Variants in SYT1 observed in about 807,000 individuals in gnomAD.
SYT1 encodes synaptotagmin 1.
SYT1 carries 8 observed loss-of-function variants against 44.8 expected under a neutral mutation model. That is an observed-to-expected ratio of 0.18 (90% CI 0.10 to 0.32). SYT1 has a LOEUF of 0.32. Ranked by LOEUF, SYT1 falls within the 10% of genes least tolerant of loss-of-function variation. The pLI is 1.00. For missense variants in SYT1, 286 were observed against 509.3 expected, an observed-to-expected ratio of 0.56 and a Z score of 4.22; for synonymous variants, 154 against 188.8, an observed-to-expected ratio of 0.82 and a Z score of 1.51.
chr12:79,214,214 G>C (rs528847264), intron 3 of SYT1, among the ~76,000 whole-genome samples: 22 of 152,056 alleles, frequency 1.4e-4, no homozygotes, highest in African/African-American at 5.1e-4. Context: ...TTTCACAGTG[G>C]TATGCACTAA....
intron 3 of SYT1, among the ~76,000 whole-genome samples, chr12:79,178,816 A>C (rs1004969846): frequency 1.3e-5 from 2 of 149,830 alleles, no homozygotes; most frequent in Non-Finnish European, 3.0e-5. Flanking sequence ...TCGCTCTTAT[A>C]GCCCAGGCTG....
At chr12:79,035,861 T>A (rs553967315) in intron 2 of SYT1, among the ~76,000 whole-genome samples, 8 of 151,678 alleles carry the variant, frequency 5.3e-5, no homozygotes, top group African/African-American at 1.9e-4. Context: ...CTGTACATCT[T>A]TGAACCTCAT....
rs1430377800 is a variant in SYT1, at chr12:78,919,069, A to T, written c.-217+53960A>T. On this transcript the variant is annotated intron_variant, in intron 1 of 10. Coordinates refer to ENST00000261205, the MANE Select transcript of SYT1 (RefSeq NM_005639.3). ...TGATGTGAAAACAACCTTTGAGATG[A>T]CAGAGTTATTGATGACTTTTCATGA... Among the ~76,000 whole-genome samples the T allele has an allele frequency of 2.6e-5, 4 of 152,026 alleles. No homozygotes were observed. In the South Asian group the frequency reaches 8.3e-4, roughly 31 times the overall value.
chr12:79,179,431 G>GATATAGATATATCTATATAT (rs1565842178), intron 3 of SYT1, among the ~76,000 whole-genome samples: 1 of 7,208 alleles, frequency 1.4e-4, no homozygotes, highest in Non-Finnish European at 2.8e-4. Flanking sequence ...TATCTATATA[G>GATATAGATATATCTATATAT]ATATATCCAT....
chr12:79,161,278 C>A (rs1314737695), intron 3 of SYT1, among the ~76,000 whole-genome samples: 3 of 151,984 alleles, frequency 2.0e-5, no homozygotes, highest in Admixed American at 6.6e-5. Flanking sequence ...TTTTACTTTA[C>A]CTTTTCTATG....
At position 79,280,985 on chromosome 12, in the gene SYT1, T is replaced by TA. The variant is rs76659538; in HGVS notation, c.167-4788dup. Among the ~76,000 whole-genome samples, 111 of 140,754 alleles carry TA rather than the reference T, an allele frequency of 7.9e-4. No individual in the cohort carries two copies. The Middle Eastern group carries it at 0.011, about 14-fold the overall frequency. 92.3% of individuals were successfully genotyped at this position (140,754 alleles called of 152,430 possible). On this transcript the variant is annotated intron_variant, in intron 4 of 10. Transcript: ENST00000261205. The stretch of plus-strand genomic sequence containing the variant: ...AGTCAGAATGGCCATTAATAAAAAG[T>TA]AAAAAAAAAAAAAATAGATACTGGC...
chr12:79,105,618 C>T (rs1424265235), intron 3 of SYT1, among the ~76,000 whole-genome samples: 2 of 152,160 alleles, frequency 1.3e-5, no homozygotes, highest in South Asian at 2.1e-4. Flanking sequence ...TGGTGGCTCA[C>T]GCCTGTAATC....
In SYT1 at chr12:79,179,176, A is replaced by C. The variant is rs1180664961; in HGVS notation, c.-17-38327A>C. Among the ~76,000 whole-genome samples the C allele has an allele frequency of 7.1e-4, 50 of 70,398 alleles. 4 individuals carry two copies. The highest frequency in any genetic ancestry group is 3.2e-3 in the East Asian group (5 of 1,576). 46.2% of individuals were successfully genotyped at this position (70,398 alleles called of 152,430 possible). A position where few individuals can be genotyped will look rare whatever the true frequency, so the allele number is the denominator to read the frequency against. On this transcript the variant is annotated intron_variant, in intron 3 of 10. Coordinates refer to ENST00000261205, the MANE Select transcript of SYT1 (RefSeq NM_005639.3). Reference sequence around the variant, plus strand: ...TATAGATATATAGATATAGATATAGATATATAGATATAGATATAGATATAT... The same window carrying C: ...TATAGATATATAGATATAGATATAGCTATATAGATATAGATATAGATATAT...
intron 3 of SYT1, among the ~76,000 whole-genome samples, chr12:79,080,198 T>C (rs1017172967): frequency 6.6e-6 from 1 of 152,124 alleles, no homozygotes; most frequent in African/African-American, 2.4e-5. Flanking sequence ...GAGGATTTAG[T>C]ATATAGACAT....
At chr12:79,215,849 A>G (rs919430284) in intron 3 of SYT1, among the ~76,000 whole-genome samples, 8 of 146,082 alleles carry the variant, frequency 5.5e-5, no homozygotes, top group African/African-American at 2.0e-4. Context: ...AGATTATTCT[A>G]TTTTCAATTG....
intron 8 of SYT1, among the ~76,000 whole-genome samples, chr12:79,346,170 AT>A (rs1353795584): frequency 6.6e-6 from 1 of 152,250 alleles, no homozygotes; most frequent in Non-Finnish European, 1.5e-5. Flanking sequence ...CTACAGAGCC[AT>A]TAAATAAATA....
At chr12:79,179,907 T>C (rs1272016143) in intron 3 of SYT1, among the ~76,000 whole-genome samples, 1 of 152,094 alleles carries the variant, frequency 6.6e-6, no homozygotes, top group Non-Finnish European at 1.5e-5. Flanking sequence ...ATACACTTTA[T>C]TCTTTTTTAT....
chr12:79,006,060 G>A (rs1871057940), intron 2 of SYT1, among the ~76,000 whole-genome samples: 1 of 152,120 alleles, frequency 6.6e-6, no homozygotes, highest in Non-Finnish European at 1.5e-5. Context: ...ACAACCAGAT[G>A]TGACTGTGAA....
At chr12:79,343,087 T>C (rs7960849) in intron 8 of SYT1, among the ~76,000 whole-genome samples, 17,980 of 152,206 alleles carry the variant, frequency 0.12, 1,827 homozygotes, top group African/African-American at 0.28. Context: ...CATTGTATTA[T>C]AGAATCCAAG....
In SYT1 at chr12:79,332,741, G is replaced by A. The variant is rs537146695; in HGVS notation, c.811-20761G>A. Among the ~76,000 whole-genome samples the A allele has an allele frequency of 3.2e-4, 48 of 152,214 alleles. 1 individual carries two copies. Among genetic ancestry groups the A allele is most frequent in the Admixed American group, 2.8e-3 (43 of 15,286 alleles). On this transcript the variant is annotated intron_variant, in intron 8 of 10. Transcript: ENST00000261205. ...GTGAAGGAGGTAACTCATTAAGCAC[G>A]TTTCTTTACATTGTTTCAAATACGT... is the stretch of plus-strand genomic sequence containing the variant.
At position 79,442,288 on chromosome 12, in the gene SYT1, AACCAAAAAT is replaced by A. The variant is rs1320529085; in HGVS notation, c.929-1784_929-1776del. On this transcript the variant is annotated intron_variant, in intron 9 of 10. Transcript: ENST00000261205. The stretch of plus-strand genomic sequence containing the variant: ...CTTTACAAAACACACAAGGTCTCTG[AACCAAAAAT>A]CAACATTGGCTGTGAACAGTAACAT... 2.6e-5 allele frequency among the ~76,000 whole-genome samples: 4 copies of A among 152,322 alleles called. No individual in the cohort carries two copies. The East Asian group carries it at 7.7e-4, about 29-fold the overall frequency.
At chr12:79,352,726 A>G (rs1433387463) in intron 8 of SYT1, among the ~76,000 whole-genome samples, 1 of 152,184 alleles carries the variant, frequency 6.6e-6, no homozygotes, top group Non-Finnish European at 1.5e-5. Flanking sequence ...CTATACCATC[A>G]TCATTGTAAA....
At chr12:79,424,217 A>G (rs1869295699) in intron 9 of SYT1, among the ~76,000 whole-genome samples, 1 of 152,040 alleles carries the variant, frequency 6.6e-6, no homozygotes, top group Non-Finnish European at 1.5e-5. Context: ...TTGCCTTGAA[A>G]GCTGGTTACC....
intron 3 of SYT1, among the ~76,000 whole-genome samples, chr12:79,119,530 AC>A (rs1249389800): frequency 1.3e-5 from 2 of 151,626 alleles, no homozygotes; most frequent in East Asian, 3.9e-4. Context: ...CTTCTTATCT[AC>A]CCTTTCACTT....
Sources: allele counts gnomAD v4.1 joint callset (sites outside exome capture counted in the v4.1 genomes callset), GRCh38; gene constraint gnomAD v4.1.1; transcripts MANE v1.5; gene names NCBI Gene and HGNC (gene_info 2026-07-23, HGNC 2026-07-21).